The following MTSS1 variants were observed in gnomAD, a reference collection of about 807,000 sequenced individuals.
The protein encoded by MTSS1 is protein MTSS 1.
A neutral mutation model predicts 79.0 loss-of-function variants in MTSS1; 18 were observed. The observed-to-expected ratio is 0.23, with a 90% CI of 0.16 to 0.34. The LOEUF is 0.34. Among genes scored for constraint, MTSS1 ranks in the 10% least tolerant of loss-of-function variants. MTSS1 has a pLI of 1.00. For synonymous variants in MTSS1, 341 were observed against 368.6 expected (o/e 0.93, Z 0.86); for missense variants, 815 against 986.2 (o/e 0.83, Z 2.33).
At chr8:124,566,423 C>T (rs917117611) in intron 8 of MTSS1, among the ~76,000 whole-genome samples, 1 of 152,138 alleles carries the variant, frequency 6.6e-6, no homozygotes, top group African/African-American at 2.4e-5. Flanking sequence ...CCCAAATTTG[C>T]CCTCTGAGCC....
intron 3 of MTSS1, among the ~76,000 whole-genome samples, chr8:124,638,481 G>C (rs1817433861): frequency 1.3e-5 from 2 of 152,220 alleles, no homozygotes; most frequent in African/African-American, 4.8e-5. Context: ...GAAACAGGAA[G>C]GGGATCACAC....
intron 3 of MTSS1, among the ~76,000 whole-genome samples, chr8:124,655,102 T>C (rs1291198083): frequency 3.3e-5 from 5 of 152,164 alleles, no homozygotes; most frequent in East Asian, 1.9e-4. Context: ...AGAACACGGA[T>C]TGGAAAATGA....
intron 3 of MTSS1, among the ~76,000 whole-genome samples, chr8:124,656,461 C>CT (rs56809431): frequency 0.12 from 17,556 of 143,258 alleles, 1,274 homozygotes; most frequent in African/African-American, 0.22. Flanking sequence ...GAGCCAGGAC[C>CT]TTTTTTTTTT....
At chr8:124,702,775 A>T (rs1829885991) in intron 2 of MTSS1, among the ~76,000 whole-genome samples, 1 of 152,094 alleles carries the variant, frequency 6.6e-6, no homozygotes, top group Admixed American at 6.5e-5. Context: ...CCAACCAATG[A>T]CATCCCCTAC....
chr8:124,562,706 T>A, intron 10 of MTSS1, 76 bp downstream of exon 10: 1 of 1,420,740 alleles, frequency 7.0e-7, no homozygotes, highest in Non-Finnish European at 9.9e-7. Context: ...GCCAAGGTGC[T>A]TCTTTGGTTC....
At chr8:124,555,429 G>A (rs1340134675) in intron 13 of MTSS1, among the ~76,000 whole-genome samples, 1 of 152,070 alleles carries the variant, frequency 6.6e-6, no homozygotes, top group African/African-American at 2.4e-5. Context: ...TGTATTTTTA[G>A]TAGAGATGGG....
rs537393934 is a variant in MTSS1 at position 124,727,364 on chromosome 8, T to C, written c.72+520A>G. On this transcript the variant is annotated intron_variant, in intron 1 of 13. Transcript: ENST00000518547. This position sits in a 1 kb window ranked among gnomAD's most constrained non-coding sequence, Gnocchi z 4.7. Reference sequence around the variant, plus strand: ...CCAATTAATAACTAATTTGCTCAGATACCCCACTCCAAGTAGACCTGACAG... The same window carrying C: ...CCAATTAATAACTAATTTGCTCAGACACCCCACTCCAAGTAGACCTGACAG... 7.9e-5 allele frequency among the ~76,000 whole-genome samples: 12 copies of C among 152,234 alleles called. No individual in the cohort carries two copies. The highest frequency in any genetic ancestry group is 2.4e-4 in the African/African-American group (10 of 41,568).
intron 6 of MTSS1, among the ~76,000 whole-genome samples, chr8:124,572,973 CT>C (rs1439949793): frequency 6.6e-6 from 1 of 152,156 alleles, no homozygotes; most frequent in African/African-American, 2.4e-5. Flanking sequence ...TCTTGAACCC[CT>C]GACCTCAAGT....
rs528165319 is a variant in MTSS1 at position 124,697,253 on chromosome 8, T to TACA, written c.208+2272_208+2273insTGT. Among the ~76,000 whole-genome samples, 8 of 146,316 alleles carry TACA rather than the reference T, an allele frequency of 5.5e-5. No homozygotes were observed. The South Asian group carries it at 1.5e-3, about 28-fold the overall frequency. ...AGTTCCTTAAAACAGTAGAGCAGCTTAAAAAAAAAAAAAGACATATTCTGG... is the reference window on the plus strand; with the variant it reads ...AGTTCCTTAAAACAGTAGAGCAGCTTACAAAAAAAAAAAAAAGACATATTCTGG... On this transcript the variant is annotated intron_variant, in intron 3 of 13. Coordinates refer to ENST00000518547, the MANE Select transcript of MTSS1 (RefSeq NM_014751.6).
At chr8:124,566,008 T>C (rs1277209299) in intron 8 of MTSS1, 4 of 328,768 alleles carry the variant, frequency 1.2e-5, no homozygotes, top group Non-Finnish European at 2.2e-5. Flanking sequence ...AGGAAAATCA[T>C]GAAATATCAG....
rs568947669 is a variant in MTSS1 at position 124,706,986 on chromosome 8, C to T, written c.73-2795G>A. Among the ~76,000 whole-genome samples the T allele has an allele frequency of 2.6e-5, 4 of 152,268 alleles. No homozygotes were observed. The South Asian group carries it at 8.3e-4, about 32-fold the overall frequency. ...CTGTCCAGAGGGACAGCAGTTGGCA[C>T]CTCTAAGAACACAAAGGCTCAACCA... On this transcript the variant is annotated intron_variant, in intron 1 of 13. Coordinates refer to ENST00000518547, the MANE Select transcript of MTSS1 (RefSeq NM_014751.6).
intron 3 of MTSS1, among the ~76,000 whole-genome samples, chr8:124,693,245 T>C (rs2135277437): frequency 6.6e-6 from 1 of 152,156 alleles, no homozygotes; most frequent in Middle Eastern, 3.4e-3. Flanking sequence ...TTGCCGGCCA[T>C]GGGTGGGGAG....
intron 3 of MTSS1, among the ~76,000 whole-genome samples, chr8:124,672,736 GA>G (rs1203659387): frequency 1.3e-5 from 2 of 152,134 alleles, no homozygotes; most frequent in African/African-American, 2.4e-5. Flanking sequence ...GTTGAGCCAG[GA>G]AAGGCAAGGC....
At chr8:124,614,327 A>G (rs118147271) in intron 3 of MTSS1, among the ~76,000 whole-genome samples, 2 of 152,326 alleles carry the variant, frequency 1.3e-5, no homozygotes, top group East Asian at 3.9e-4. Context: ...CACATTTATA[A>G]AAACAATCAC....
intron 10 of MTSS1, among the ~76,000 whole-genome samples, chr8:124,561,261 T>C (rs34410054): frequency 0.034 from 5,211 of 152,080 alleles, 125 homozygotes; most frequent in Non-Finnish European, 0.055. Context: ...CTACTAAAAA[T>C]ACAAAAGTTA....
In MTSS1 at chr8:124,556,362, G is replaced by T. The variant is rs1586764747; in HGVS notation, c.1274C>A (p.Thr425Asn). ...PGPYDQPLVNTLQRRKEKREP... is the reference protein window; with the variant it reads ...PGPYDQPLVNNLQRRKEKREP... ...TCGCTTCTCTTTGCGGCGCTGCAGG[G>T]TGTTCACCAGAGGCTGGTCATAGGG... is the stretch of plus-strand genomic sequence containing the variant. The change falls in exon 12 of 14, where the codon ACC becomes AAC. Residue 425 changes from threonine (T) to asparagine (N), a missense_variant. This residue lies in a region of MTSS1 where 590 missense variants were observed against 620.8 expected (regional missense o/e 0.95). Transcript: ENST00000518547. 6.2e-7 allele frequency: 1 copy of T among 1,614,110 alleles called. No individual in the cohort carries two copies. The highest frequency in any genetic ancestry group is 8.5e-7 in the Non-Finnish European group (1 of 1,179,990).
intron 3 of MTSS1, among the ~76,000 whole-genome samples, chr8:124,667,366 C>T (rs960968981): frequency 6.6e-6 from 1 of 152,156 alleles, no homozygotes. Context: ...AACAATAGGC[C>T]GGGCGTGGTG....
chr8:124,571,190 C>T (rs1056118329), intron 6 of MTSS1, among the ~76,000 whole-genome samples: 1 of 152,248 alleles, frequency 6.6e-6, no homozygotes, highest in Admixed American at 6.5e-5. Flanking sequence ...CTCCTGGAAT[C>T]TGCCTCAGGG....
intron 3 of MTSS1, among the ~76,000 whole-genome samples, chr8:124,607,957 T>C (rs546859271): frequency 2.6e-4 from 39 of 152,168 alleles, no homozygotes; most frequent in African/African-American, 8.2e-4. Context: ...TCAGTAGAGA[T>C]TGGTAACGTG....
Sources: allele counts gnomAD v4.1 joint callset (sites outside exome capture counted in the v4.1 genomes callset), GRCh38; gene constraint gnomAD v4.1.1; regional missense constraint gnomAD v4.1.1; non-coding constraint Gnocchi (gnomAD v3.1); transcripts MANE v1.5; gene names NCBI Gene and HGNC (gene_info 2026-07-23, HGNC 2026-07-21).